FOXP1: variants seen among roughly 807,000 people sequenced by gnomAD.
FOXP1 encodes forkhead box protein P1.
A neutral mutation model predicts 98.2 loss-of-function variants in FOXP1; 15 were observed. That is an observed-to-expected ratio of 0.15 (90% CI 0.10 to 0.24). The LOEUF (loss-of-function observed/expected upper bound fraction) is 0.24. Ranked by LOEUF, FOXP1 falls within the 10% of genes least tolerant of loss-of-function variation. The pLI is 1.00. For missense variants in FOXP1, 633 were observed against 848.5 expected, an observed-to-expected ratio of 0.75 and a Z score of 3.15; for synonymous variants, 371 against 314.5, an observed-to-expected ratio of 1.18 and a Z score of -1.90.
intron 2 of FOXP1, among the ~76,000 whole-genome samples, chr3:71,529,040 A>G (rs1205949692): frequency 6.6e-6 from 1 of 152,216 alleles, no homozygotes; most frequent in African/African-American, 2.4e-5. Context: ...TATAAGGCTC[A>G]CCTTAGAATT....
intron 7 of FOXP1, among the ~76,000 whole-genome samples, chr3:71,060,531 C>G (rs989867027): frequency 1.2e-4 from 18 of 151,954 alleles, no homozygotes; most frequent in Admixed American, 9.8e-4. Flanking sequence ...AGTGGTGTGA[C>G]AATTAGAGTA....
At chr3:71,053,053 A>C (rs1258150708) in intron 8 of FOXP1, among the ~76,000 whole-genome samples, 1 of 152,006 alleles carries the variant, frequency 6.6e-6, no homozygotes, top group Non-Finnish European at 1.5e-5. Context: ...CAGGCCAGTG[A>C]CTCCCAACGC....
intron 3 of FOXP1, among the ~76,000 whole-genome samples, chr3:71,440,416 G>A (rs182226666): frequency 0.01 from 1,576 of 152,088 alleles, 26 homozygotes; most frequent in African/African-American, 0.036. Context: ...GGTGGCTCAC[G>A]CCTGTAATCC....
At chr3:71,246,747 T>C (rs2067777825) in intron 5 of FOXP1, among the ~76,000 whole-genome samples, 1 of 152,182 alleles carries the variant, frequency 6.6e-6, no homozygotes. Flanking sequence ...TTCAAAGATA[T>C]GATGGCCAGT....
chr3:70,993,168 A>G (rs1198483655), intron 13 of FOXP1, among the ~76,000 whole-genome samples: 1 of 152,266 alleles, frequency 6.6e-6, no homozygotes, highest in African/African-American at 2.4e-5. Context: ...TCCCTCTGCT[A>G]CTGAAACTTG....
intron 5 of FOXP1, among the ~76,000 whole-genome samples, chr3:71,297,220 T>C (rs1232411510): frequency 6.6e-6 from 1 of 152,190 alleles, no homozygotes; most frequent in Non-Finnish European, 1.5e-5. Context: ...TATTAAATAA[T>C]CCCATAGATC....
intron 20 of FOXP1, among the ~76,000 whole-genome samples, chr3:70,963,808 C>G (rs1031096779): frequency 1.3e-5 from 2 of 152,184 alleles, no homozygotes; most frequent in South Asian, 2.1e-4. Flanking sequence ...TATGTGACCA[C>G]TTTCTAGTGT....
At chr3:71,409,745 AAC>A (rs1459926625) in intron 3 of FOXP1, among the ~76,000 whole-genome samples, 1 of 152,148 alleles carries the variant, frequency 6.6e-6, no homozygotes, top group African/African-American at 2.4e-5. Flanking sequence ...TCTCCTTAAA[AAC>A]AGTGTGCAGT....
At chr3:71,005,507 T>C (rs1033564655) in intron 12 of FOXP1, among the ~76,000 whole-genome samples, 6 of 151,966 alleles carry the variant, frequency 3.9e-5, no homozygotes, top group Non-Finnish European at 7.4e-5. Context: ...TAATATATTA[T>C]TTGGGGGAAA....
intron 4 of FOXP1, among the ~76,000 whole-genome samples, chr3:71,315,000 CAG>C (rs1030537682): frequency 3.5e-5 from 5 of 142,298 alleles, no homozygotes; most frequent in African/African-American, 1.3e-4. Flanking sequence ...AACTGTGCCT[CAG>C]AAGAATTACA....
intron 11 of FOXP1, among the ~76,000 whole-genome samples, 155 bp downstream of exon 11, chr3:71,041,173 A>G (rs2048287746): frequency 6.6e-6 from 1 of 152,216 alleles, no homozygotes; most frequent in South Asian, 2.1e-4. Context: ...TAGATGCTTC[A>G]CACCCAAACC....
intron 3 of FOXP1, among the ~76,000 whole-genome samples, chr3:71,486,019 C>T (rs2090618357): frequency 1.3e-5 from 2 of 152,076 alleles, no homozygotes; most frequent in Admixed American, 6.6e-5. Context: ...ATCTTCTCTG[C>T]CTAAATCAAA....
intron 5 of FOXP1, among the ~76,000 whole-genome samples, chr3:71,280,599 CAGGT>C (rs776861986): frequency 6.6e-6 from 1 of 152,114 alleles, no homozygotes; most frequent in Non-Finnish European, 1.5e-5. Context: ...GCTGGGATTA[CAGGT>C]GTGAGCCACC....
At chr3:71,308,808 G>GTGTGTGT (rs2074485849) in intron 4 of FOXP1, among the ~76,000 whole-genome samples, 2 of 128,588 alleles carry the variant, frequency 1.6e-5, no homozygotes, top group South Asian at 2.6e-4. Context: ...TGTGTGTGTG[G>GTGTGTGT]GTGAGGGGGG....
chr3:71,310,014 G>A (rs2074573161), intron 4 of FOXP1, among the ~76,000 whole-genome samples: 1 of 152,188 alleles, frequency 6.6e-6, no homozygotes, highest in African/African-American at 2.4e-5. Flanking sequence ...TGAAATGACT[G>A]CACTAATTTT....
chr3:71,582,032 GTTTA>G (rs2048216949), intron 1 of FOXP1: 3 of 980,162 alleles, frequency 3.1e-6, no homozygotes, highest in African/African-American at 1.8e-5. Flanking sequence ...AGTTACAACT[GTTTA>G]TTTAGTCCTT....
chr3:71,291,263 A>T (rs1203121575), intron 5 of FOXP1, among the ~76,000 whole-genome samples: 1 of 152,272 alleles, frequency 6.6e-6, no homozygotes, highest in African/African-American at 2.4e-5. Context: ...GCTTTTCAGA[A>T]GTAACAAGAA....
At chr3:71,450,700 G>A (rs2086865742) in intron 3 of FOXP1, among the ~76,000 whole-genome samples, 1 of 152,000 alleles carries the variant, frequency 6.6e-6, no homozygotes, top group South Asian at 2.1e-4. Flanking sequence ...TTCTTGTGAT[G>A]GCATAAAATA....
intron 11 of FOXP1, among the ~76,000 whole-genome samples, chr3:71,023,473 T>C (rs966419262): frequency 1.3e-5 from 2 of 152,228 alleles, no homozygotes; most frequent in African/African-American, 4.8e-5. Flanking sequence ...AAGAGTGTCT[T>C]AAGCTACACT....
Sources: allele counts gnomAD v4.1 joint callset (sites outside exome capture counted in the v4.1 genomes callset), GRCh38; gene constraint gnomAD v4.1.1; transcripts MANE v1.5; gene names NCBI Gene and HGNC (gene_info 2026-07-23, HGNC 2026-07-21).